PLEKHM3: variants seen among roughly 807,000 people sequenced by gnomAD.
PLEKHM3 encodes the protein pleckstrin homology domain-containing family M member 3.
PLEKHM3 carries 45 observed loss-of-function variants against 81.8 expected under a neutral mutation model. That is an observed-to-expected ratio of 0.55 (90% CI 0.43 to 0.71). The LOEUF (loss-of-function observed/expected upper bound fraction) is 0.71, where lower values mean the gene tolerates loss of function less well. Ranked by LOEUF, PLEKHM3 falls within the 30% of genes least tolerant of loss-of-function variation. The probability of loss-of-function intolerance (pLI) is 0.00; values close to 1 mark genes in which losing one functional copy is unlikely to be tolerated. For missense variants in PLEKHM3, 788 were observed against 924.3 expected, an observed-to-expected ratio of 0.85 and a Z score of 1.91; for synonymous variants, 352 against 356.4, an observed-to-expected ratio of 0.99 and a Z score of 0.14.
At chr2:207,941,106 C>A (rs554392835) in intron 4 of PLEKHM3, among the ~76,000 whole-genome samples, 3 of 152,284 alleles carry the variant, frequency 2.0e-5, no homozygotes, top group African/African-American at 7.2e-5. Flanking sequence ...TAGAAAAGGA[C>A]ATAAGCCAAT....
intron 1 of PLEKHM3, among the ~76,000 whole-genome samples, chr2:208,012,913 A>G (rs1002239965): frequency 1.3e-5 from 2 of 152,266 alleles, no homozygotes; most frequent in Admixed American, 6.5e-5. Flanking sequence ...GCATTTATAG[A>G]GGACGGACCA....
At chr2:207,958,277 GC>G (rs1185130050) in intron 3 of PLEKHM3, among the ~76,000 whole-genome samples, 2 of 152,148 alleles carry the variant, frequency 1.3e-5, no homozygotes, top group African/African-American at 2.4e-5. Context: ...AGTAACATCT[GC>G]TCCAAGCTTG....
intron 3 of PLEKHM3, among the ~76,000 whole-genome samples, chr2:207,959,373 C>A (rs976969911): frequency 1.3e-5 from 2 of 152,194 alleles, no homozygotes; most frequent in African/African-American, 4.8e-5. Flanking sequence ...AGGCCAAGAA[C>A]CTCCTATTGG....
At chr2:207,971,363 T>C (rs896174994) in intron 3 of PLEKHM3, among the ~76,000 whole-genome samples, 2 of 152,186 alleles carry the variant, frequency 1.3e-5, no homozygotes, top group South Asian at 2.1e-4. Context: ...AATAGCACTA[T>C]AGGATGACTA....
At chr2:207,844,898 C>T (rs924991725) in intron 7 of PLEKHM3, among the ~76,000 whole-genome samples, 6 of 152,128 alleles carry the variant, frequency 3.9e-5, no homozygotes, top group African/African-American at 1.2e-4. Flanking sequence ...AGGGGGATTC[C>T]GGCCTTCAAG....
At chr2:207,980,432 A>G (rs1002748833) in intron 2 of PLEKHM3, among the ~76,000 whole-genome samples, 1 of 152,134 alleles carries the variant, frequency 6.6e-6, no homozygotes, top group Non-Finnish European at 1.5e-5. Context: ...ACTGGGTACC[A>G]ACATTTTTTC....
chr2:207,910,140 C>T (rs1688765226), intron 5 of PLEKHM3, among the ~76,000 whole-genome samples: 1 of 152,198 alleles, frequency 6.6e-6, no homozygotes, highest in Admixed American at 6.5e-5. Context: ...AATGCAGTTC[C>T]TACAGCTGGG....
chr2:207,889,751 G>C (rs1687997397), intron 6 of PLEKHM3, among the ~76,000 whole-genome samples: 1 of 152,038 alleles, frequency 6.6e-6, no homozygotes, highest in Admixed American at 6.6e-5. Context: ...CCTGGGCCAA[G>C]TTGCCTTCCT....
chr2:207,984,850 GGATTTGGC>G (rs1261763950), intron 2 of PLEKHM3, among the ~76,000 whole-genome samples: 1 of 151,786 alleles, frequency 6.6e-6, no homozygotes, highest in Non-Finnish European at 1.5e-5. Flanking sequence ...CCCACATTCT[GGATTTGGC>G]TGAGTGTATC....
At chr2:207,982,535 G>T (rs1341530426) in intron 2 of PLEKHM3, among the ~76,000 whole-genome samples, 2 of 151,492 alleles carry the variant, frequency 1.3e-5, no homozygotes, top group Non-Finnish European at 2.9e-5. Flanking sequence ...CTGCCAAAGT[G>T]CTGGGATCAT....
intron 6 of PLEKHM3, among the ~76,000 whole-genome samples, chr2:207,896,173 A>G (rs1688217138): frequency 6.6e-6 from 1 of 152,232 alleles, no homozygotes; most frequent in Admixed American, 6.5e-5. Flanking sequence ...CTAGAGCTGG[A>G]AGGGGCTGTA....
chr2:208,000,969 T>G, intron 2 of PLEKHM3, 61 bp downstream of exon 2: 1 of 1,359,300 alleles, frequency 7.4e-7, no homozygotes, highest in South Asian at 1.6e-5. Flanking sequence ...CAAGCTTATC[T>G]GAGTCACAGC....
At chr2:207,962,399 T>C (rs13402422) in intron 3 of PLEKHM3, among the ~76,000 whole-genome samples, 88,602 of 152,114 alleles carry the variant, frequency 0.58, 26,458 homozygotes, top group Non-Finnish European at 0.65. Flanking sequence ...GGCACAGAAG[T>C]GCTGCATTTA....
intron 2 of PLEKHM3, among the ~76,000 whole-genome samples, chr2:207,988,334 C>G (rs767431884): frequency 6.6e-6 from 1 of 152,182 alleles, no homozygotes; most frequent in Non-Finnish European, 1.5e-5. Flanking sequence ...TTACTGCCTA[C>G]GTGACCGCTG....
At chr2:207,889,675 C>T (rs1687994592) in intron 6 of PLEKHM3, among the ~76,000 whole-genome samples, 1 of 152,028 alleles carries the variant, frequency 6.6e-6, no homozygotes, top group South Asian at 2.1e-4. Flanking sequence ...AGCAAGAAGC[C>T]ACAGCAAAAA....
intron 5 of PLEKHM3, among the ~76,000 whole-genome samples, chr2:207,919,977 C>A (rs181339603): frequency 6.6e-6 from 1 of 152,120 alleles, no homozygotes; most frequent in Admixed American, 6.5e-5. Flanking sequence ...CGCACACACA[C>A]ATTTTTTTCT....
intron 2 of PLEKHM3, among the ~76,000 whole-genome samples, chr2:207,999,466 A>T (rs1237402216): frequency 1.3e-5 from 2 of 152,060 alleles, no homozygotes; most frequent in African/African-American, 2.4e-5. Flanking sequence ...AACTGAAAAA[A>T]TTAGCCGGGC....
At chr2:207,889,694 C>T (rs1687995137) in intron 6 of PLEKHM3, among the ~76,000 whole-genome samples, 1 of 152,124 alleles carries the variant, frequency 6.6e-6, no homozygotes, top group Non-Finnish European at 1.5e-5. Flanking sequence ...AATAACATGT[C>T]TTGGGGGCAG....
intron 1 of PLEKHM3, among the ~76,000 whole-genome samples, chr2:208,022,661 C>A (rs2106135486): frequency 1.3e-5 from 2 of 152,348 alleles, no homozygotes; most frequent in Middle Eastern, 6.8e-3. Flanking sequence ...GAAGCCGCAA[C>A]ACAGTATGTT....
Sources: gnomAD v4.1 joint callset for allele counts (sites outside exome capture counted in the v4.1 genomes callset) on GRCh38, gnomAD v4.1.1 for gene constraint, MANE v1.5 for transcripts, NCBI Gene and HGNC (gene_info 2026-07-23, HGNC 2026-07-21) for gene names.